Variants in ATP13A2 observed in about 807,000 individuals in gnomAD.
ATP13A2 encodes the protein polyamine-transporting ATPase 13A2.
In ATP13A2, 83 loss-of-function variants were observed where a neutral mutation model predicts 138.3. That is an observed-to-expected ratio of 0.60 (90% CI 0.50 to 0.72). ATP13A2 has a LOEUF of 0.72. Among genes scored for constraint, ATP13A2 ranks in the 30% least tolerant of loss-of-function variants. The pLI, the probability that ATP13A2 is intolerant of heterozygous loss-of-function variation, is 0.00. For missense variants in ATP13A2, 1,402 were observed against 1,606.4 expected (o/e 0.87, Z 2.17); for synonymous variants, 663 against 699.0 (o/e 0.95, Z 0.81).
intron 1 of ATP13A2, among the ~76,000 whole-genome samples, chr1:17,006,254 C>CTTTTTT (rs57121858): frequency 7.0e-6 from 1 of 143,024 alleles, no homozygotes; most frequent in Non-Finnish European, 1.5e-5. Flanking sequence ...CTTACCGTAT[C>CTTTTTT]TTTTTTTTTT....
At chr1:17,000,186 C>A in intron 10 of ATP13A2, 44 bp from the exon 11 acceptor site, 2 of 1,608,108 alleles carry the variant, frequency 1.2e-6, no homozygotes, top group African/African-American at 1.3e-5. Flanking sequence ...GGGGCCAGCC[C>A]CAGCCATGCC....
At position 17,000,535 on chromosome 1, in the gene ATP13A2, C is replaced by G. The variant is rs763941296; in HGVS notation, c.706-1G>C. The G allele has an allele frequency of 6.2e-6, 10 of 1,613,330 alleles. No individual in the cohort carries two copies. Among genetic ancestry groups the G allele is most frequent in the Non-Finnish European group, 8.5e-6 (10 of 1,179,416 alleles). On this transcript the variant is annotated splice_acceptor_variant, in intron 8 of 28. Coordinates refer to ENST00000326735, the MANE Select transcript of ATP13A2 (RefSeq NM_022089.4). LOFTEE classifies it high-confidence loss of function. ...GGAACCCATAGTAGGGGTTCAGTGC[C>G]TGGGGGAGGGGCGGGAGGCAGCGTC...
chr1:16,996,984 CG>C, intron 12 of ATP13A2, 35 bp downstream of exon 12: 1 of 1,602,244 alleles, frequency 6.2e-7, no homozygotes, highest in Non-Finnish European at 8.5e-7. Flanking sequence ...GTGCTGAGCC[CG>C]GGATCTCTCT....
At position 16,997,107 on chromosome 1, in the gene ATP13A2, G is replaced by A. The variant is rs142616130; in HGVS notation, c.1108C>T (p.Arg370Trp). ...GTCCCGCAGAAGAGTGTGTGCCGCCGGTGTGTCTCTGCACAGTAGGGCCCC... is the reference window on the plus strand; with the variant it reads ...GTCCCGCAGAAGAGTGTGTGCCGCCAGTGTGTCTCTGCACAGTAGGGCCCC... ...GLGPYCAETH[R>W]RHTLFCGTLI... Residue 370 changes from arginine to tryptophan, a missense_variant, in exon 12 of 29, where the codon CGG (arginine) becomes TGG (tryptophan). By Grantham distance (101) the Arg-to-Trp change is moderately radical. Transcript: ENST00000326735. The A allele has an allele frequency of 4.2e-5, 68 of 1,613,800 alleles. No homozygotes were observed. Among genetic ancestry groups the A allele is most frequent in the Admixed American group, 3.0e-4 (18 of 60,026 alleles).
intron 6 of ATP13A2, 59 bp from the exon 7 acceptor site, chr1:17,002,432 AC>A: frequency 6.4e-7 from 1 of 1,570,498 alleles, no homozygotes; most frequent in Admixed American, 1.8e-5. Context: ...TGCATCCCCC[AC>A]CCTGTGCAGG....
intron 20 of ATP13A2, among the ~76,000 whole-genome samples, chr1:16,991,189 G>A (rs2076916393): frequency 6.6e-6 from 1 of 152,112 alleles, no homozygotes; most frequent in Non-Finnish European, 1.5e-5. Flanking sequence ...GACCTCAAGT[G>A]ATCCGCCCGC....
intron 1 of ATP13A2, among the ~76,000 whole-genome samples, chr1:17,006,182 CAG>C (rs200150410): frequency 0.011 from 1,683 of 152,064 alleles, 22 homozygotes; most frequent in Middle Eastern, 0.034. Context: ...CCTGGTCTGA[CAG>C]AGCCCAAAGC....
intron 1 of ATP13A2, among the ~76,000 whole-genome samples, chr1:17,009,328 C>T (rs2077689333): frequency 1.3e-5 from 2 of 150,856 alleles, no homozygotes; most frequent in Middle Eastern, 3.5e-3. Flanking sequence ...GTCTCTTGGA[C>T]ACAACAGAGC....
intron 15 of ATP13A2, 144 bp from the exon 16 acceptor site, chr1:16,993,979 G>T: frequency 1.5e-6 from 1 of 684,690 alleles, no homozygotes; most frequent in Non-Finnish European, 2.5e-6. Flanking sequence ...TTTCTTGACT[G>T]CTGTCCTTGG....
In ATP13A2 at chr1:17,000,115, A is replaced by C; in HGVS notation, c.935T>G (p.Leu312Arg). 6.2e-7 allele frequency: 1 copy of C among 1,613,376 alleles called. No homozygotes were observed. The highest frequency in any genetic ancestry group is 8.5e-7 in the Non-Finnish European group (1 of 1,179,962). ...CAGCACCAGGCAGTCTCCGGGCACT[A>C]GCTCACTGGAGTCCACCCACTCTTC... ...GEEEWVDSSELVPGDCLVLPQ... is the reference protein window; with the variant it reads ...GEEEWVDSSERVPGDCLVLPQ... The change falls in exon 11 of 29, where the codon CTA becomes CGA. Residue 312 changes from leucine to arginine, a missense_variant. Physicochemically the swap from Leu to Arg is moderately radical, Grantham distance 102 (BLOSUM62 -2). Transcript: ENST00000326735.
In ATP13A2 at chr1:17,004,811, A is replaced by T. The variant is rs1161855207; in HGVS notation, c.358T>A (p.Ser120Thr). 2 of 1,613,446 alleles carry T rather than the reference A, an allele frequency of 1.2e-6. No homozygotes were observed. Among genetic ancestry groups the T allele is most frequent in the Non-Finnish European group, 1.7e-6 (2 of 1,179,990 alleles). Reference sequence around the variant, plus strand: ...CCATCCTCTGCCTGGGACTGTGGGGACGGCTCCAGGCTGGGGAAGCAGGTG... The same window carrying T: ...CCATCCTCTGCCTGGGACTGTGGGGTCGGCTCCAGGCTGGGGAAGCAGGTG... ...EAIGEGSLEP[S>T]PQSQAEDGRS... The change falls in exon 5 of 29, where the codon TCC (serine) becomes ACC (threonine). Residue 120 changes from serine to threonine, a missense_variant. Transcript: ENST00000326735. The surrounding 1 kb of genome is among the most constrained non-coding windows in gnomAD (Gnocchi z 4.1).
intron 14 of ATP13A2, 42 bp downstream of exon 14, chr1:16,996,212 G>A (rs1344746668): frequency 1.2e-6 from 2 of 1,614,136 alleles, no homozygotes; most frequent in South Asian, 2.2e-5. Flanking sequence ...TTGGCCCCTG[G>A]GCCCTGCTGG....
chr1:16,999,781 G>A (rs2100989418), intron 11 of ATP13A2, among the ~76,000 whole-genome samples: 1 of 152,140 alleles, frequency 6.6e-6, no homozygotes, highest in East Asian at 1.9e-4. Context: ...TGCACCTGTG[G>A]TCCCAGCTAC....
At position 17,002,072 on chromosome 1, in the gene ATP13A2, T is replaced by C. The variant is rs779609904; in HGVS notation, c.667A>G (p.Ile223Val). 6.2e-6 allele frequency: 10 copies of C among 1,613,820 alleles called. No individual in the cohort carries two copies. Among genetic ancestry groups the C allele is most frequent in the Admixed American group, 5.0e-5 (3 of 59,962 alleles). The change falls in exon 8 of 29, where the codon ATA (isoleucine) becomes GTA (valine). Residue 223 changes from isoleucine to valine, a missense_variant. Physicochemically the swap from Ile to Val is conservative, Grantham distance 29. Transcript: ENST00000326735. ...AGCTGGGGGTAGGACTTGACCGGTA[T>C]GCTGATCACGTTGGGGCCGTAAATG... Reference protein sequence around the residue: ...KAIYGPNVISIPVKSYPQLLV... With the variant: ...KAIYGPNVISVPVKSYPQLLV...
At position 17,003,053 on chromosome 1, in the gene ATP13A2, A is replaced by G. The variant is rs765074408; in HGVS notation, c.558-680T>C. 4.2e-4 allele frequency among the ~76,000 whole-genome samples: 64 copies of G among 151,790 alleles called. 3 individuals carry two copies. The highest frequency in any genetic ancestry group is 1.5e-4 in the Non-Finnish European group (10 of 67,966). Reference sequence around the variant, plus strand: ...AGGGAATTTGATGGTAACTGTCCTCACTCCCTGTGTGAGGTCGCCCAGAGG... The same window carrying G: ...AGGGAATTTGATGGTAACTGTCCTCGCTCCCTGTGTGAGGTCGCCCAGAGG... On this transcript the variant is annotated intron_variant, in intron 6 of 28. Transcript: ENST00000326735.
In ATP13A2 at chr1:16,986,694, G is replaced by A; in HGVS notation, c.3236-62C>T. ...CCCCCCGGCACCCACAGACACACGT[G>A]TGCACGCCAGTCTTCCACTCGGCCG... is the stretch of plus-strand genomic sequence containing the variant. On this transcript the variant is annotated intron_variant, in intron 27 of 28. Transcript: ENST00000326735. The surrounding 1 kb of genome is among the most constrained non-coding windows in gnomAD (Gnocchi z 6.9). 6.4e-7 allele frequency: 1 copy of A among 1,569,070 alleles called. No homozygotes were observed. The highest frequency in any genetic ancestry group is 8.6e-7 in the Non-Finnish European group (1 of 1,162,062).
rs149826987 is a variant in ATP13A2 at position 16,986,666 on chromosome 1, C to T, written c.3236-34G>A. 3.8e-3 allele frequency: 6,033 copies of T among 1,582,480 alleles called. 9 individuals are homozygous for T. The highest frequency in any genetic ancestry group is 4.6e-3 in the Non-Finnish European group (5,396 of 1,168,718). ...AGGAGAGTCTCTCAGGCAGGAGCCA[C>T]GCCCCCCCGGCACCCACAGACACAC... On this transcript the variant is annotated intron_variant, in intron 27 of 28. Transcript: ENST00000326735. This position sits in a 1 kb window ranked among gnomAD's most constrained non-coding sequence, Gnocchi z 6.9.
At chr1:16,991,986 G>T in intron 19 of ATP13A2, 23 bp downstream of exon 19, 1 of 1,610,762 alleles carries the variant, frequency 6.2e-7, no homozygotes, top group Non-Finnish European at 8.5e-7. Context: ...CCTCAGAGTG[G>T]GTGGGACAGG....
Position 16,986,168 on chromosome 1 carries a change from T to C in ATP13A2, c.*53A>G, listed in dbSNP as rs2076709677. 6.2e-7 allele frequency: 1 copy of C among 1,611,070 alleles called. No individual in the cohort carries two copies. The highest frequency in any genetic ancestry group is 8.5e-7 in the Non-Finnish European group (1 of 1,179,112). ...GTGGTGTTGCTGGAGAGGGGTCCAG[T>C]TGGTGGCTCAGAGGCAGGGAGTTCC... On this transcript the variant is annotated 3_prime_UTR_variant, in exon 29 of 29. Transcript: ENST00000326735. This position sits in a 1 kb window ranked among gnomAD's most constrained non-coding sequence, Gnocchi z 6.9.
Sources: allele counts gnomAD v4.1 joint callset (sites outside exome capture counted in the v4.1 genomes callset), GRCh38; gene constraint gnomAD v4.1.1; non-coding constraint Gnocchi (gnomAD v3.1); transcripts MANE v1.5; gene names NCBI Gene and HGNC (gene_info 2026-07-23, HGNC 2026-07-21).